Variants in SYNE2 observed in about 807,000 individuals in gnomAD.
The protein encoded by SYNE2 is nesprin-2.
In SYNE2, 431 loss-of-function variants were observed where a neutral mutation model predicts 856.3. The observed-to-expected ratio is 0.50, with a 90% CI of 0.47 to 0.55. The LOEUF (loss-of-function observed/expected upper bound fraction) is 0.55. Among genes scored for constraint, SYNE2 ranks in the 20% least tolerant of loss-of-function variants. The pLI is 0.00. For synonymous variants in SYNE2, 2,923 were observed against 2,872.3 expected, an observed-to-expected ratio of 1.02 and a Z score of -0.56; for missense variants, 8,129 against 8,023.2, an observed-to-expected ratio of 1.01 and a Z score of -0.50.
intron 2 of SYNE2, among the ~76,000 whole-genome samples, chr14:63,919,237 A>T (rs781383268): frequency 3.9e-5 from 6 of 152,206 alleles, no homozygotes; most frequent in Non-Finnish European, 7.3e-5. Context: ...ACTAGATTAT[A>T]ATCAAGAAGT....
intron 99 of SYNE2, among the ~76,000 whole-genome samples, chr14:64,199,864 G>GA (rs2098554700): frequency 1.3e-5 from 2 of 151,986 alleles, no homozygotes; most frequent in Admixed American, 1.3e-4. Flanking sequence ...AATTTTAAAA[G>GA]AATGGGATGA....
At chr14:64,138,821 A>G (rs568003639) in intron 79 of SYNE2, among the ~76,000 whole-genome samples, 1 of 152,068 alleles carries the variant, frequency 6.6e-6, no homozygotes, top group African/African-American at 2.4e-5. Flanking sequence ...GAAGGGCAGA[A>G]TATTGTTTGA....
intron 1 of SYNE2, among the ~76,000 whole-genome samples, chr14:63,863,672 G>A (rs1894359264): frequency 6.6e-6 from 1 of 151,990 alleles, no homozygotes; most frequent in Non-Finnish European, 1.5e-5. Flanking sequence ...AGTGTATGAT[G>A]GGATTGTTGA....
intron 1 of SYNE2, among the ~76,000 whole-genome samples, chr14:63,880,013 AATTTT>A (rs1595392916): frequency 1.3e-5 from 2 of 152,136 alleles, no homozygotes; most frequent in African/African-American, 4.8e-5. Context: ...GAACTTTATA[AATTTT>A]ATTTTATTTA....
chr14:64,158,150 C>G (rs2098300402), intron 85 of SYNE2, among the ~76,000 whole-genome samples: 1 of 152,194 alleles, frequency 6.6e-6, no homozygotes, highest in Non-Finnish European at 1.5e-5. Context: ...AATAATCAGA[C>G]TTAAGTGCCA....
intron 79 of SYNE2, among the ~76,000 whole-genome samples, chr14:64,138,249 G>T (rs2098112327): frequency 6.6e-6 from 1 of 152,014 alleles, no homozygotes; most frequent in Admixed American, 6.6e-5. Context: ...AGGAGGCAAG[G>T]TCTTGCACTG....
chr14:64,102,806 C>G (rs759917571), intron 64 of SYNE2, among the ~76,000 whole-genome samples: 3 of 152,118 alleles, frequency 2.0e-5, no homozygotes, highest in Non-Finnish European at 4.4e-5. Flanking sequence ...CCCAGGCCCT[C>G]TCTCAGCCCC....
At chr14:64,191,668 G>T (rs1266003144) in intron 99 of SYNE2, among the ~76,000 whole-genome samples, 3 of 152,192 alleles carry the variant, frequency 2.0e-5, no homozygotes, top group African/African-American at 7.2e-5. Flanking sequence ...TCTGAGTCAT[G>T]CCTGGTTCCT....
intron 103 of SYNE2, among the ~76,000 whole-genome samples, chr14:64,210,921 GTCTC>G (rs1165853172): frequency 6.6e-6 from 1 of 151,352 alleles, no homozygotes; most frequent in African/African-American, 2.4e-5. Context: ...ATTTCTTTCT[GTCTC>G]TCTCTCCCTT....
chr14:64,035,313 A>G (rs2097078154), intron 45 of SYNE2, among the ~76,000 whole-genome samples: 1 of 151,964 alleles, frequency 6.6e-6, no homozygotes, highest in Non-Finnish European at 1.5e-5. Context: ...CCTGGGGTAA[A>G]TTATGTCTAT....
At chr14:63,807,412 C>G (rs1888403246) in intron 1 of SYNE2, among the ~76,000 whole-genome samples, 2 of 150,150 alleles carry the variant, frequency 1.3e-5, no homozygotes, top group Admixed American at 1.3e-4. Context: ...AAAAAGGAGA[C>G]TAAAGGACAA....
chr14:64,150,007 C>CTTT (rs755126549), intron 84 of SYNE2, among the ~76,000 whole-genome samples: 81 of 94,368 alleles, frequency 8.6e-4, no homozygotes, highest in African/African-American at 1.7e-3. Flanking sequence ...TTTTTCTTTT[C>CTTT]TTTTTTTTTT....
intron 96 of SYNE2, among the ~76,000 whole-genome samples, chr14:64,180,505 CTTT>C (rs111332955): frequency 7.0e-6 from 1 of 142,574 alleles, no homozygotes; most frequent in African/African-American, 2.6e-5. Context: ...TGGTTTATAA[CTTT>C]TTTTTTTTTT....
chr14:63,769,145 G>A (rs1886797413), intron 1 of SYNE2, among the ~76,000 whole-genome samples: 2 of 152,178 alleles, frequency 1.3e-5, no homozygotes, highest in South Asian at 4.1e-4. Context: ...AATAAAACAA[G>A]CTTAACTTGT....
chr14:63,859,489 G>A (rs568088567), intron 1 of SYNE2, among the ~76,000 whole-genome samples: 1 of 151,890 alleles, frequency 6.6e-6, no homozygotes, highest in East Asian at 1.9e-4. Flanking sequence ...CACAAATTTT[G>A]ATATGGTGTG....
intron 84 of SYNE2, among the ~76,000 whole-genome samples, chr14:64,150,867 C>T (rs762224361): frequency 6.6e-6 from 1 of 152,138 alleles, no homozygotes; most frequent in Non-Finnish European, 1.5e-5. Flanking sequence ...GAGGTAGCAG[C>T]TGACTAAATC....
intron 1 of SYNE2, among the ~76,000 whole-genome samples, chr14:63,793,003 A>G (rs1288245649): frequency 6.6e-6 from 1 of 152,146 alleles, no homozygotes; most frequent in Non-Finnish European, 1.5e-5. Flanking sequence ...CAAGTTTCAC[A>G]AAAATGTAGA....
In SYNE2 at chr14:64,031,310, G is replaced by T; in HGVS notation, c.7174G>T (p.Glu2392Ter). ...ATSDVQESTQ[E>*]SAAVEKLEED... The stretch of plus-strand genomic sequence containing the variant: ...TTCTGATGTGCAGGAGTCTACTCAG[G>T]AATCAGCTGCAGTGGAAAAGTTGGA... Residue 2392 changes from glutamate (E) to a stop codon, truncating the protein, a stop_gained, in exon 45 of 116, where the codon GAA (glutamate) becomes TAA (stop). Transcript: ENST00000555002. LOFTEE classifies it high-confidence loss of function. 1 of 1,614,094 alleles carries T rather than the reference G, an allele frequency of 6.2e-7. No homozygotes were observed. Among genetic ancestry groups the T allele is most frequent in the East Asian group, 2.2e-5 (1 of 44,884 alleles).
Position 64,163,386 on chromosome 14 carries a change from C to G in SYNE2, c.16300-16C>G. On this transcript the variant is annotated splice_polypyrimidine_tract_variant and intron_variant, in intron 88 of 115. Coordinates refer to ENST00000555002, the MANE Select transcript of SYNE2 (RefSeq NM_182914.3). ...AAAGGAGGAAGAGGTGTTTGCCATCCCTTTTTCTTCTGCAGGAGCTGCAGC... is the reference window on the plus strand; with the variant it reads ...AAAGGAGGAAGAGGTGTTTGCCATCGCTTTTTCTTCTGCAGGAGCTGCAGC... 1 of 1,613,428 alleles carries G rather than the reference C, an allele frequency of 6.2e-7. No homozygotes were observed. The highest frequency in any genetic ancestry group is 8.5e-7 in the Non-Finnish European group (1 of 1,179,988).
Sources: gnomAD v4.1 joint callset for allele counts (sites outside exome capture counted in the v4.1 genomes callset) on GRCh38, gnomAD v4.1.1 for gene constraint, MANE v1.5 for transcripts, NCBI Gene and HGNC (gene_info 2026-07-23, HGNC 2026-07-21) for gene names.